Variants in PRKCB observed in about 807,000 individuals in gnomAD.
PRKCB encodes protein kinase C beta.
A neutral mutation model predicts 81.5 loss-of-function variants in PRKCB; 13 were observed. The ratio of observed to expected loss-of-function variants is 0.16; its 90% confidence interval spans 0.10 to 0.25. The LOEUF (loss-of-function observed/expected upper bound fraction) is 0.25. PRKCB is among the 10% of genes least tolerant of loss of function. PRKCB has a pLI of 1.00. For missense variants in PRKCB, 509 were observed against 875.7 expected (o/e 0.58, Z 5.29); for synonymous variants, 335 against 321.4 (o/e 1.04, Z -0.45).
intron 2 of PRKCB, among the ~76,000 whole-genome samples, chr16:23,837,658 A>G (rs1962189238): frequency 6.6e-6 from 1 of 152,136 alleles, no homozygotes; most frequent in Non-Finnish European, 1.5e-5. Flanking sequence ...TGGAAGAGTC[A>G]AAGCGGTCTC....
chr16:24,029,397 GC>G (rs1260470310), intron 3 of PRKCB, among the ~76,000 whole-genome samples: 27 of 152,248 alleles, frequency 1.8e-4, no homozygotes, highest in African/African-American at 6.5e-4. Context: ...TTTATAAGGG[GC>G]ATGTCCCCCT....
rs138177378 is a variant in PRKCB, at chr16:23,968,156, T to C, written c.206-20352T>C. The stretch of plus-strand genomic sequence containing the variant: ...TCTGAAGGAAGCATGCTTGAGATGA[T>C]GGAATCTAGGTTCAAACCTACCTGC... On this transcript the variant is annotated intron_variant, in intron 2 of 16. Coordinates refer to ENST00000643927, the MANE Select transcript of PRKCB (RefSeq NM_002738.7). Among the ~76,000 whole-genome samples, 938 of 152,276 alleles carry C rather than the reference T, an allele frequency of 6.2e-3. 6 individuals are homozygous for C. Among genetic ancestry groups the C allele is most frequent in the African/African-American group, 0.021 (887 of 41,534 alleles).
chr16:24,188,033 C>G (rs1291025717), intron 15 of PRKCB, among the ~76,000 whole-genome samples: 2 of 152,230 alleles, frequency 1.3e-5, no homozygotes, highest in South Asian at 2.1e-4. Flanking sequence ...CCTTCACACG[C>G]CCGCCCTGCC....
At chr16:23,917,205 C>T (rs1214113174) in intron 2 of PRKCB, among the ~76,000 whole-genome samples, 1 of 152,156 alleles carries the variant, frequency 6.6e-6, no homozygotes, top group Non-Finnish European at 1.5e-5. Flanking sequence ...ACCTCAGTTT[C>T]CTGACTAGCT....
intron 2 of PRKCB, among the ~76,000 whole-genome samples, chr16:23,898,098 C>T (rs1963409881): frequency 6.7e-6 from 1 of 149,290 alleles, no homozygotes; most frequent in Non-Finnish European, 1.5e-5. Flanking sequence ...CAGAGTCTTG[C>T]TCTGTCGCCC....
At chr16:24,155,873 C>G (rs1481231768) in intron 10 of PRKCB, among the ~76,000 whole-genome samples, 1 of 152,132 alleles carries the variant, frequency 6.6e-6, no homozygotes, top group Non-Finnish European at 1.5e-5. Flanking sequence ...AACATGTTTC[C>G]TCTGTCTTCT....
intron 2 of PRKCB, among the ~76,000 whole-genome samples, chr16:23,871,435 CT>C (rs1962902207): frequency 6.6e-6 from 1 of 152,202 alleles, no homozygotes. Flanking sequence ...GTTCCTGCCC[CT>C]GTCCCCCTCT....
chr16:24,082,384 G>A (rs1966260822), intron 5 of PRKCB, among the ~76,000 whole-genome samples: 1 of 152,170 alleles, frequency 6.6e-6, no homozygotes, highest in Non-Finnish European at 1.5e-5. Flanking sequence ...TAGAAGGGCA[G>A]TGAATCCAGA....
chr16:23,849,175 C>T (rs1484017998), intron 2 of PRKCB, among the ~76,000 whole-genome samples: 5 of 152,216 alleles, frequency 3.3e-5, no homozygotes, highest in Non-Finnish European at 5.9e-5. Context: ...ATCGCCCCAT[C>T]GGCTGACCTC....
intron 3 of PRKCB, among the ~76,000 whole-genome samples, chr16:24,008,187 G>T (rs1965153800): frequency 6.6e-6 from 1 of 152,350 alleles, no homozygotes; most frequent in South Asian, 2.1e-4. Context: ...GGTCACTTGT[G>T]AGAGGTCCAG....
intron 2 of PRKCB, among the ~76,000 whole-genome samples, chr16:23,908,903 A>G (rs774886991): frequency 4.5e-4 from 69 of 152,342 alleles, no homozygotes; most frequent in Non-Finnish European, 7.2e-4. Context: ...AAGAGAGTGA[A>G]GAACAGCGTG....
chr16:24,032,059 A>G, intron 3 of PRKCB, 77 bp from the exon 4 acceptor site: 1 of 1,028,672 alleles, frequency 9.7e-7, no homozygotes, highest in Non-Finnish European at 1.5e-6. Context: ...TGAGTTCTCC[A>G]GTGCCTCTCG....
intron 2 of PRKCB, among the ~76,000 whole-genome samples, chr16:23,908,416 C>A (rs1963596928): frequency 6.6e-6 from 1 of 152,140 alleles, no homozygotes. Flanking sequence ...GCATGTGGCA[C>A]CACCTGAGCG....
At chr16:24,011,426 G>C (rs113312142) in intron 3 of PRKCB, among the ~76,000 whole-genome samples, 16 of 152,288 alleles carry the variant, frequency 1.1e-4, no homozygotes, top group African/African-American at 3.8e-4. Context: ...AGTTAATAAA[G>C]AGTGTGGACT....
intron 10 of PRKCB, among the ~76,000 whole-genome samples, chr16:24,169,884 C>T (rs946303549): frequency 4.6e-5 from 7 of 152,130 alleles, no homozygotes; most frequent in Non-Finnish European, 8.8e-5. Flanking sequence ...TCAAGCAACT[C>T]TGCTGCACCA....
chr16:23,987,097 T>C (rs1034264804), intron 2 of PRKCB, among the ~76,000 whole-genome samples: 1 of 152,182 alleles, frequency 6.6e-6, no homozygotes, highest in African/African-American at 2.4e-5. Flanking sequence ...AAACTGTTGG[T>C]TTTTTTCCAC....
intron 4 of PRKCB, among the ~76,000 whole-genome samples, chr16:24,033,102 GC>G (rs2141855530): frequency 6.6e-6 from 1 of 152,300 alleles, no homozygotes; most frequent in South Asian, 2.1e-4. Context: ...GAGCAGACAG[GC>G]TTTGAGAGCT....
chr16:23,903,256 TA>T (rs1963510452), intron 2 of PRKCB, among the ~76,000 whole-genome samples: 1 of 63,410 alleles, frequency 1.6e-5, no homozygotes, highest in Admixed American at 2.0e-4. Context: ...GAAGGGAACT[TA>T]AGTGTGTGTG....
At chr16:24,046,789 G>A (rs1485402948) in intron 5 of PRKCB, among the ~76,000 whole-genome samples, 1 of 152,222 alleles carries the variant, frequency 6.6e-6, no homozygotes, top group Admixed American at 6.5e-5. Context: ...TAAGTGCATG[G>A]AAATTTAGAT....
Sources: allele counts gnomAD v4.1 joint callset (sites outside exome capture counted in the v4.1 genomes callset), GRCh38; gene constraint gnomAD v4.1.1; transcripts MANE v1.5; gene names NCBI Gene and HGNC (gene_info 2026-07-23, HGNC 2026-07-21).